DMD: variants seen among roughly 807,000 people sequenced by gnomAD.
The protein encoded by DMD is dystrophin.
Under a neutral mutation model 330.1 loss-of-function variants are expected in DMD, and 63 were observed. The ratio of observed to expected loss-of-function variants is 0.19; its 90% CI spans 0.16 to 0.24. The LOEUF (loss-of-function observed/expected upper bound fraction) is 0.24, where lower values mean the gene tolerates loss of function less well. Among genes scored for constraint, DMD ranks in the 10% least tolerant of loss-of-function variants. The pLI is 1.00. For synonymous variants in DMD, 1,223 were observed against 959.8 expected (o/e 1.27, Z -5.07); for missense variants, 3,344 against 2,684.1 (o/e 1.25, Z -5.43).
chrX:32,107,338 ATGTGTGTGTGTGTG>A (rs34502564), intron 44 of DMD, among the ~76,000 whole-genome samples: 1 of 89,136 alleles, frequency 1.1e-5, no homozygotes, highest in Non-Finnish European at 2.2e-5. Context: ...ATATAATTAT[ATGTGTGTGTGTGTG>A]TGTGTGTGTG....
chrX:31,984,772 T>C (rs1341567277), intron 44 of DMD, among the ~76,000 whole-genome samples: 1 of 112,264 alleles, frequency 8.9e-6, no homozygotes, highest in Non-Finnish European at 1.9e-5. Context: ...TATGTTTCAA[T>C]AAATAATATG....
At chrX:31,425,079 T>C (rs1048258481) in intron 60 of DMD, among the ~76,000 whole-genome samples, 1 of 112,656 alleles carries the variant, frequency 8.9e-6, no homozygotes, top group Non-Finnish European at 1.9e-5. Context: ...CACAAAGTCT[T>C]TCTATCCTAT....
chrX:31,585,065 T>C (rs1440265994), intron 55 of DMD, among the ~76,000 whole-genome samples: 1 of 110,445 alleles, frequency 9.1e-6, no homozygotes, highest in Non-Finnish European at 1.9e-5. Context: ...CTCACACCTG[T>C]AATCCCAGCA....
At chrX:31,308,751 T>C (rs1216757779) in intron 62 of DMD, among the ~76,000 whole-genome samples, 1 of 109,978 alleles carries the variant, frequency 9.1e-6, no homozygotes, top group Non-Finnish European at 1.9e-5. Context: ...TCTTTGGAGA[T>C]GGAGTCTCAA....
Position 31,658,029 on chromosome X carries a change from G to C in DMD, c.7988C>G (p.Thr2663Arg), listed in dbSNP as rs144103124. ...TCTCCAAGAGGCATTGATATTCTCT[G>C]TTATCATGTGGACTTTTCTGGTATC... ...ADDTRKVHMI[T>R]ENINASWRSI... Residue 2663 changes from threonine (T) to arginine (R), a missense_variant, in exon 54 of 79, where the codon ACA becomes AGA. Thr to Arg is a moderately conservative substitution (Grantham distance 71). Transcript: ENST00000357033. 1.3e-4 allele frequency: 156 copies of C among 1,208,909 alleles called. No homozygotes were observed. Among genetic ancestry groups the C allele is most frequent in the Non-Finnish European group, 1.7e-4 (152 of 894,267 alleles).
At chrX:32,276,855 G>A (rs1203023576) in intron 43 of DMD, among the ~76,000 whole-genome samples, 1 of 110,669 alleles carries the variant, frequency 9.0e-6, no homozygotes, top group Non-Finnish European at 1.9e-5. Flanking sequence ...AGGAGGCGGA[G>A]GTTGCAGCGA....
intron 7 of DMD, among the ~76,000 whole-genome samples, chrX:32,716,347 C>T (rs139161357): frequency 1.8e-5 from 2 of 110,198 alleles, no homozygotes; most frequent in African/African-American, 6.6e-5. Context: ...TGTAGTACTG[C>T]CCCCTGCTTT....
intron 1 of DMD, among the ~76,000 whole-genome samples, chrX:33,235,910 A>AT (rs1372179344): frequency 3.1e-5 from 3 of 97,284 alleles, no homozygotes; most frequent in East Asian, 6.1e-4. Context: ...TATTATTATT[A>AT]TTATTATTTT....
chrX:31,597,199 C>T (rs1447618321), intron 55 of DMD, among the ~76,000 whole-genome samples: 1 of 110,590 alleles, frequency 9.0e-6, no homozygotes, highest in Non-Finnish European at 1.9e-5. Flanking sequence ...TGAAGTATAC[C>T]CAAATAAACA....
chrX:32,184,218 T>C (rs1214757964), intron 44 of DMD, among the ~76,000 whole-genome samples: 1 of 110,731 alleles, frequency 9.0e-6, no homozygotes, highest in African/African-American at 3.3e-5. Context: ...ACCTTTTCAA[T>C]TGAGGTATTG....
At chrX:31,367,492 C>T (rs1174782764) in intron 60 of DMD, among the ~76,000 whole-genome samples, 1 of 111,177 alleles carries the variant, frequency 9.0e-6, no homozygotes, top group Non-Finnish European at 1.9e-5. Context: ...AATGACTGTC[C>T]CTGCAACACT....
intron 60 of DMD, among the ~76,000 whole-genome samples, chrX:31,365,946 A>G (rs1461527145): frequency 1.8e-5 from 2 of 112,530 alleles, no homozygotes; most frequent in African/African-American, 6.5e-5. Context: ...GAGTCCACGA[A>G]AATAAAAAAG....
At chrX:32,205,045 A>ACACC (rs1569550760) in intron 44 of DMD, among the ~76,000 whole-genome samples, 1 of 92,783 alleles carries the variant, frequency 1.1e-5, no homozygotes, top group African/African-American at 4.7e-5. Flanking sequence ...ACACACACCC[A>ACACC]CACACACACA....
chrX:31,224,173 C>G (rs756007844), intron 63 of DMD, among the ~76,000 whole-genome samples: 103 of 112,172 alleles, frequency 9.2e-4, no homozygotes, highest in African/African-American at 3.1e-3. Flanking sequence ...ACTTAATATG[C>G]AACTGCCCTC....
intron 6 of DMD, among the ~76,000 whole-genome samples, chrX:32,813,216 C>G (rs1454858070): frequency 8.9e-6 from 1 of 111,796 alleles, no homozygotes; most frequent in Non-Finnish European, 1.9e-5. Flanking sequence ...TTCTTTTATA[C>G]TATTAAAATT....
chrX:32,400,969 G>A (rs375083860), intron 30 of DMD, among the ~76,000 whole-genome samples: 1 of 110,800 alleles, frequency 9.0e-6, no homozygotes, highest in South Asian at 3.9e-4. Flanking sequence ...TAGAAAATGT[G>A]GCACATATAC....
rs914103369 is a variant in DMD, at chrX:31,377,915, A to T, written c.9085-29281T>A. ...CTTAACTGATGACATTACCTTGTGA[A>T]ATTCCTTTCCCTGGCTCATCCTGGC... On this transcript the variant is annotated intron_variant, in intron 60 of 78. Coordinates refer to ENST00000357033, the MANE Select transcript of DMD (RefSeq NM_004006.3). Among the ~76,000 whole-genome samples the T allele has an allele frequency of 6.3e-5, 7 of 111,075 alleles. No homozygotes were observed. The South Asian group carries it at 2.7e-3, about 43-fold the overall frequency.
intron 2 of DMD, among the ~76,000 whole-genome samples, chrX:32,964,621 T>C (rs1349944003): frequency 9.0e-6 from 1 of 110,735 alleles, no homozygotes; most frequent in Non-Finnish European, 1.9e-5. Context: ...GGCAGGAGAA[T>C]TGCTTGAACC....
intron 1 of DMD, chrX:33,129,070 G>GA (rs1351317476): frequency 9.0e-6 from 1 of 111,710 alleles, no homozygotes; most frequent in Non-Finnish European, 1.9e-5. Context: ...CCTGCTTCTT[G>GA]AAAAAACAGA....
Sources: gnomAD v4.1 joint callset for allele counts (sites outside exome capture counted in the v4.1 genomes callset) on GRCh38, gnomAD v4.1.1 for gene constraint, MANE v1.5 for transcripts, NCBI Gene and HGNC (gene_info 2026-07-23, HGNC 2026-07-21) for gene names.